The following SOCS7 variants were observed in gnomAD, a reference collection of about 807,000 sequenced individuals.
The protein encoded by SOCS7 is suppressor of cytokine signaling 7, also known as NAP-4.
SOCS7 carries 18 observed loss-of-function variants against 58.9 expected under a neutral mutation model. That is an observed-to-expected ratio of 0.31 (90% CI 0.21 to 0.45). SOCS7 has a LOEUF of 0.45. Ranked by LOEUF, SOCS7 falls within the 20% of genes least tolerant of loss-of-function variation. The pLI, the probability that SOCS7 is intolerant of heterozygous loss-of-function variation, is 1.00. For missense variants in SOCS7, 667 were observed against 837.3 expected (o/e 0.80, Z 2.51); for synonymous variants, 388 against 364.3 (o/e 1.06, Z -0.74).
rs587709547 is a variant in SOCS7, at chr17:38,366,218, G to T, written c.1253-69G>T. ...TCTTCAGTTAGCATCCTCTGTTTTTGGGGGAGGGTCTATTTGTGGTTGGGA... is the reference window on the plus strand; with the variant it reads ...TCTTCAGTTAGCATCCTCTGTTTTTTGGGGAGGGTCTATTTGTGGTTGGGA... On this transcript the variant is annotated intron_variant, in intron 4 of 9. Coordinates refer to ENST00000612932, the MANE Select transcript of SOCS7 (RefSeq NM_014598.4). 61 of 1,573,130 alleles carry T rather than the reference G, an allele frequency of 3.9e-5. No homozygotes were observed. The East Asian group carries it at 6.6e-4, about 17-fold the overall frequency.
intron 1 of SOCS7, 25 bp from the exon 2 acceptor site, chr17:38,361,686 C>A: frequency 6.3e-7 from 1 of 1,592,514 alleles, no homozygotes; most frequent in Non-Finnish European, 8.6e-7. Context: ...CCCCTCTATT[C>A]TCTCTCTGCT....
chr17:38,392,193 AGG>A (rs2038180874), intron 7 of SOCS7, among the ~76,000 whole-genome samples: 1 of 152,238 alleles, frequency 6.6e-6, no homozygotes, highest in African/African-American at 2.4e-5. Context: ...GATTAATACC[AGG>A]GAATATCAGA....
intron 7 of SOCS7, among the ~76,000 whole-genome samples, chr17:38,382,447 A>G (rs1430319879): frequency 1.7e-4 from 26 of 151,654 alleles, no homozygotes; most frequent in African/African-American, 6.3e-4. Flanking sequence ...CAAAAAAAAA[A>G]AAAAAAAAAA....
intron 7 of SOCS7, among the ~76,000 whole-genome samples, chr17:38,390,594 T>C (rs893177920): frequency 6.6e-6 from 1 of 152,200 alleles, no homozygotes; most frequent in Non-Finnish European, 1.5e-5. Flanking sequence ...TTTAGGTCTT[T>C]TTAAAAACTC....
chr17:38,389,401 T>A (rs1285593493), intron 7 of SOCS7, among the ~76,000 whole-genome samples: 1 of 152,110 alleles, frequency 6.6e-6, no homozygotes, highest in Admixed American at 6.6e-5. Flanking sequence ...ACAAAAAATT[T>A]AAAAATTAGC....
At chr17:38,356,764 A>G (rs2037645736) in intron 1 of SOCS7, among the ~76,000 whole-genome samples, 1 of 152,196 alleles carries the variant, frequency 6.6e-6, no homozygotes, top group Non-Finnish European at 1.5e-5. Flanking sequence ...GGCTTATAAC[A>G]CACATATGTT....
chr17:38,390,997 C>T (rs150757162), intron 7 of SOCS7, among the ~76,000 whole-genome samples: 7 of 152,016 alleles, frequency 4.6e-5, no homozygotes, highest in African/African-American at 1.7e-4. Flanking sequence ...GTGCCTGGCC[C>T]ATATTTTTTC....
intron 7 of SOCS7, among the ~76,000 whole-genome samples, chr17:38,392,144 A>G (rs1375251374): frequency 6.6e-6 from 1 of 152,180 alleles, no homozygotes; most frequent in African/African-American, 2.4e-5. Context: ...GAGAGTTCTA[A>G]TTGTTTGTTG....
chr17:38,358,577 G>T (rs1269420466), intron 1 of SOCS7, among the ~76,000 whole-genome samples: 2 of 149,296 alleles, frequency 1.3e-5, no homozygotes, highest in Admixed American at 1.3e-4. Context: ...ATCTTGCTTT[G>T]TTGTTGTTTT....
At chr17:38,358,613 G>GT (rs367654877) in intron 1 of SOCS7, among the ~76,000 whole-genome samples, 16 of 151,038 alleles carry the variant, frequency 1.1e-4, no homozygotes, top group African/African-American at 3.4e-4. Context: ...ATCTAGATTG[G>GT]TTTTTTCATG....
At chr17:38,355,829 C>A (rs776389047) in intron 1 of SOCS7, among the ~76,000 whole-genome samples, 3 of 152,132 alleles carry the variant, frequency 2.0e-5, no homozygotes, top group South Asian at 4.1e-4. Context: ...GGTAAGTGGA[C>A]CTACCTGGAT....
At chr17:38,389,861 G>GTACATATATATATATATATATA (rs2038128520) in intron 7 of SOCS7, among the ~76,000 whole-genome samples, 1 of 2,374 alleles carries the variant, frequency 4.2e-4, no homozygotes, top group African/African-American at 8.9e-4. Flanking sequence ...TGGTGTGTAT[G>GTACATATATATATATATATATA]TGTGTACATA....
chr17:38,355,991 C>A (rs1384764921), intron 1 of SOCS7, among the ~76,000 whole-genome samples: 2 of 152,126 alleles, frequency 1.3e-5, no homozygotes, highest in African/African-American at 4.8e-5. Context: ...TCAAGCGATT[C>A]TTCTGCTTCA....
chr17:38,393,675 C>T (rs887294437), intron 7 of SOCS7, among the ~76,000 whole-genome samples: 1 of 148,148 alleles, frequency 6.8e-6, no homozygotes, highest in Non-Finnish European at 1.5e-5. Context: ...CTGAGGTGGG[C>T]GGATCACAAG....
intron 7 of SOCS7, among the ~76,000 whole-genome samples, chr17:38,387,129 G>GTGTGTA (rs1555570683): frequency 3.1e-5 from 2 of 64,786 alleles, no homozygotes; most frequent in East Asian, 4.1e-4. Flanking sequence ...ATATATATAT[G>GTGTGTA]TATGTATATA....
chr17:38,389,885 A>G (rs1188703463), intron 7 of SOCS7, among the ~76,000 whole-genome samples: 2 of 91,800 alleles, frequency 2.2e-5, no homozygotes, highest in African/African-American at 6.0e-5. Context: ...ATATATATGT[A>G]CATATATATA....
chr17:38,384,454 G>C (rs563458116), intron 7 of SOCS7, among the ~76,000 whole-genome samples: 1 of 151,974 alleles, frequency 6.6e-6, no homozygotes, highest in East Asian at 1.9e-4. Context: ...CACCATGCTC[G>C]GCTAATTTTT....
chr17:38,390,319 T>G (rs2038153554), intron 7 of SOCS7, among the ~76,000 whole-genome samples: 1 of 152,166 alleles, frequency 6.6e-6, no homozygotes, highest in Non-Finnish European at 1.5e-5. Flanking sequence ...TCCTATAGTT[T>G]TGTAGTACTT....
chr17:38,353,129 G>T, intron 1 of SOCS7, 97 bp downstream of exon 1: 1 of 1,191,612 alleles, frequency 8.4e-7, no homozygotes, highest in Non-Finnish European at 1.1e-6. Flanking sequence ...CTTAAGATAG[G>T]GTCTTCAGGA....
Sources: gnomAD v4.1 joint callset for allele counts (sites outside exome capture counted in the v4.1 genomes callset) on GRCh38, gnomAD v4.1.1 for gene constraint, MANE v1.5 for transcripts, NCBI Gene and HGNC (gene_info 2026-07-23, HGNC 2026-07-21) for gene names.